The following WARS2 variants were observed in gnomAD, a reference collection of about 807,000 sequenced individuals.
WARS2 encodes tryptophanyl tRNA synthetase 2, mitochondrial.
Under a neutral mutation model 36.5 loss-of-function variants are expected in WARS2, and 28 were observed. The observed-to-expected ratio is 0.77, with a 90% confidence interval of 0.57 to 1.05. The LOEUF (loss-of-function observed/expected upper bound fraction) is 1.05, where lower values mean the gene tolerates loss of function less well. Among genes scored for constraint, WARS2 ranks in the 50% least tolerant of loss-of-function variants. The probability of loss-of-function intolerance (pLI) is 0.00; values close to 1 mark genes in which losing one functional copy is unlikely to be tolerated. For synonymous variants in WARS2, 174 were observed against 178.4 expected, an observed-to-expected ratio of 0.98 and a Z score of 0.20; for missense variants, 435 against 456.8, an observed-to-expected ratio of 0.95 and a Z score of 0.44.
chr1:119,131,464 T>G (rs9428295), intron 1 of WARS2, among the ~76,000 whole-genome samples: 66,204 of 144,120 alleles, frequency 0.46, 16,374 homozygotes, highest in East Asian at 0.8. Flanking sequence ...TTTTGTTTTT[T>G]GTTTTTTTTT....
intron 1 of WARS2, among the ~76,000 whole-genome samples, chr1:119,130,776 T>G (rs944835407): frequency 6.6e-6 from 1 of 152,182 alleles, no homozygotes; most frequent in East Asian, 1.9e-4. Context: ...GGAGTTATTA[T>G]GCCAAAGATT....
intron 4 of WARS2, among the ~76,000 whole-genome samples, chr1:119,039,460 C>T (rs1457531283): frequency 6.6e-6 from 1 of 151,838 alleles, no homozygotes; most frequent in African/African-American, 2.4e-5. Context: ...GAGACATATA[C>T]ACAGAGAGAG....
At chr1:119,055,648 A>G (rs1050979461) in intron 2 of WARS2, among the ~76,000 whole-genome samples, 8 of 151,970 alleles carry the variant, frequency 5.3e-5, no homozygotes, top group African/African-American at 1.5e-4. Context: ...TCCCAAAAAG[A>G]AAAAACAAAC....
intron 1 of WARS2, among the ~76,000 whole-genome samples, chr1:119,076,837 G>A (rs779862793): frequency 3.3e-5 from 5 of 152,050 alleles, no homozygotes; most frequent in African/African-American, 4.8e-5. Flanking sequence ...CAAATGCAAA[G>A]ACATATAAGA....
chr1:119,108,186 T>C (rs774672686), intron 1 of WARS2, among the ~76,000 whole-genome samples: 8 of 152,082 alleles, frequency 5.3e-5, no homozygotes, highest in Non-Finnish European at 1.0e-4. Context: ...TATAGGGTAA[T>C]GCCTGGGTTC....
chr1:119,033,009 C>T lies in WARS2; in HGVS notation c.985G>A (p.Asp329Asn), dbSNP rs1346247222. The change falls in exon 6 of 6, where the codon GAC becomes AAC. Residue 329 changes from aspartate to asparagine, a missense_variant. Coordinates refer to ENST00000235521, the MANE Select transcript of WARS2 (RefSeq NM_015836.4). The part of the protein sequence containing the change: ...REIEKLKLDK[D>N]HLEKVLQIGS... The stretch of plus-strand genomic sequence containing the variant: ...ATTTGTAAAACCTTCTCTAAATGGT[C>T]CTTGTCCAGCTTCAGTTTTTCAATT... 2 of 1,614,226 alleles carry T rather than the reference C, an allele frequency of 1.2e-6. No individual in the cohort carries two copies. Among genetic ancestry groups the T allele is most frequent in the Middle Eastern group, 1.6e-4 (1 of 6,062 alleles).
chr1:119,091,641 A>G (rs587664520), intron 1 of WARS2, among the ~76,000 whole-genome samples: 1 of 152,272 alleles, frequency 6.6e-6, no homozygotes, highest in East Asian at 1.9e-4. Context: ...TGTTTCATTG[A>G]GAAGTGGTGG....
chr1:119,128,342 A>G lies in WARS2; in HGVS notation c.90+12213T>C, dbSNP rs75879246. Reference sequence around the variant, plus strand: ...CACCTCAGCCTCCCAAAGTGCTGGGATTATAGGCTAAATTCTAATGGATAA... The same window carrying G: ...CACCTCAGCCTCCCAAAGTGCTGGGGTTATAGGCTAAATTCTAATGGATAA... On this transcript the variant is annotated intron_variant, in intron 1 of 5. Coordinates refer to ENST00000235521, the MANE Select transcript of WARS2 (RefSeq NM_015836.4). Among the ~76,000 whole-genome samples, 1,189 of 152,200 alleles carry G rather than the reference A, an allele frequency of 7.8e-3. 22 individuals carry two copies. The highest frequency in any genetic ancestry group is 0.028 in the African/African-American group (1,146 of 41,508).
chr1:119,076,300 C>T (rs1044375139), intron 2 of WARS2, 50 bp downstream of exon 2: 8 of 1,587,932 alleles, frequency 5.0e-6, no homozygotes, highest in Middle Eastern at 1.7e-4. Flanking sequence ...ATTTTTTCCT[C>T]AAATAATCTA....
rs967415062 is a variant in WARS2 at position 119,086,048 on chromosome 1, C to T, written c.91-9441G>A. ...TAATTTTTTAAATTTCTCGTAGAGG[C>T]AAGGTCTTGCTATCTTGCCCAGATT... On this transcript the variant is annotated intron_variant, in intron 1 of 5. Coordinates refer to ENST00000235521, the MANE Select transcript of WARS2 (RefSeq NM_015836.4). The T allele has an allele frequency of 4.7e-5, 63 of 1,330,756 alleles. 1 individual carries two copies. The South Asian group carries it at 7.9e-4, about 17-fold the overall frequency. The allele number at this position is 1,330,756 out of a possible 1,614,324, so 82.4% of individuals were successfully genotyped here. A position where few individuals can be genotyped will look rare whatever the true frequency, so the allele number is the denominator to read the frequency against.
chr1:119,035,928 AG>A (rs1215620718), intron 4 of WARS2, among the ~76,000 whole-genome samples: 2 of 152,188 alleles, frequency 1.3e-5, no homozygotes, highest in African/African-American at 4.8e-5. Flanking sequence ...AATGTTGGCC[AG>A]GTGCATTGGC....
At chr1:119,088,427 A>C (rs1448790514) in intron 1 of WARS2, among the ~76,000 whole-genome samples, 1 of 129,260 alleles carries the variant, frequency 7.7e-6, no homozygotes, top group Non-Finnish European at 1.6e-5. Context: ...CCTGCTAGGA[A>C]ACACTGAAAC....
intron 1 of WARS2, among the ~76,000 whole-genome samples, chr1:119,081,776 T>C (rs1652208788): frequency 6.6e-6 from 1 of 152,192 alleles, no homozygotes; most frequent in Non-Finnish European, 1.5e-5. Flanking sequence ...TTCAACATTT[T>C]CTTGAAAATG....
Position 119,033,358 on chromosome 1 carries a change from T to TG in WARS2, c.635dup (p.Ser213IlefsTer10). The TG allele has an allele frequency of 1.2e-6, 2 of 1,614,136 alleles. No individual in the cohort carries two copies. Among genetic ancestry groups the TG allele is most frequent in the Non-Finnish European group, 1.7e-6 (2 of 1,180,014 alleles). Reference sequence around the variant, plus strand: ...GTAGGGATTTTACCTTCTTCATGGATGCTAGGTTAAAAACACCAACACACA... The same window carrying TG: ...GTAGGGATTTTACCTTCTTCATGGATGGCTAGGTTAAAAACACCAACACACA... On this transcript the variant is annotated frameshift_variant and splice_region_variant, in exon 6 of 6. Transcript: ENST00000235521. LOFTEE classifies it high-confidence loss of function.
intron 1 of WARS2, among the ~76,000 whole-genome samples, chr1:119,104,696 A>G (rs1654112847): frequency 6.6e-6 from 1 of 151,192 alleles, no homozygotes; most frequent in African/African-American, 2.4e-5. Flanking sequence ...CATGAAAAGT[A>G]CCTTGGAGCA....
intron 1 of WARS2, among the ~76,000 whole-genome samples, chr1:119,089,619 C>A (rs1159703325): frequency 6.6e-6 from 1 of 152,162 alleles, no homozygotes; most frequent in Non-Finnish European, 1.5e-5. Flanking sequence ...TCTCAGTAAT[C>A]TAACCATATC....
chr1:119,069,462 GATAA>G (rs1234508509), intron 2 of WARS2, among the ~76,000 whole-genome samples: 1 of 152,102 alleles, frequency 6.6e-6, no homozygotes, highest in Non-Finnish European at 1.5e-5. Context: ...TAAAAATGTA[GATAA>G]ATAATCTCTA....
At chr1:119,089,259 T>A (rs1652878324) in intron 1 of WARS2, among the ~76,000 whole-genome samples, 1 of 152,188 alleles carries the variant, frequency 6.6e-6, no homozygotes, top group African/African-American at 2.4e-5. Context: ...TTCCAGCTAA[T>A]CATGGCTCCC....
At chr1:119,071,805 T>C (rs773144756) in intron 2 of WARS2, among the ~76,000 whole-genome samples, 21 of 152,118 alleles carry the variant, frequency 1.4e-4, no homozygotes, top group Admixed American at 2.6e-4. Context: ...CACTTAAAGA[T>C]AGCTAAGTAT....
Sources: allele counts gnomAD v4.1 joint callset (sites outside exome capture counted in the v4.1 genomes callset), GRCh38; gene constraint gnomAD v4.1.1; transcripts MANE v1.5; gene names NCBI Gene and HGNC (gene_info 2026-07-23, HGNC 2026-07-21).